Variants in RBMS3 observed in about 807,000 individuals in gnomAD.
The protein encoded by RBMS3 is RNA-binding motif, single-stranded-interacting protein 3.
A neutral mutation model predicts 66.8 loss-of-function variants in RBMS3; 27 were observed. The ratio of observed to expected loss-of-function variants is 0.40; its 90% CI spans 0.30 to 0.56. The LOEUF (loss-of-function observed/expected upper bound fraction) is 0.56, where lower values mean the gene tolerates loss of function less well. Ranked by LOEUF, RBMS3 falls within the 20% of genes least tolerant of loss-of-function variation. The probability of loss-of-function intolerance (pLI) is 0.40; values close to 1 mark genes in which losing one functional copy is unlikely to be tolerated. For missense variants in RBMS3, 513 were observed against 549.5 expected (o/e 0.93, Z 0.66); for synonymous variants, 188 against 183.0 (o/e 1.03, Z -0.22).
chr3:29,737,757 A>G (rs1437710398), intron 4 of RBMS3, among the ~76,000 whole-genome samples: 1 of 151,802 alleles, frequency 6.6e-6, no homozygotes, highest in East Asian at 1.9e-4. Context: ...GAATAATAAT[A>G]TTATCTCTGT....
At chr3:29,543,944 G>C (rs2045857871) in intron 3 of RBMS3, among the ~76,000 whole-genome samples, 1 of 151,982 alleles carries the variant, frequency 6.6e-6, no homozygotes, top group African/African-American at 2.4e-5. Context: ...AAAAGTATTA[G>C]AAGGAGATTG....
At chr3:29,452,164 T>C (rs1270195025) in intron 2 of RBMS3, among the ~76,000 whole-genome samples, 3 of 152,184 alleles carry the variant, frequency 2.0e-5, no homozygotes, top group African/African-American at 7.2e-5. Flanking sequence ...GGCTGTGATA[T>C]GTACAATATA....
At chr3:29,538,401 T>C (rs939987510) in intron 3 of RBMS3, among the ~76,000 whole-genome samples, 2 of 152,114 alleles carry the variant, frequency 1.3e-5, no homozygotes, top group Non-Finnish European at 2.9e-5. Context: ...GAAAGAGATA[T>C]ATACGATTAT....
At chr3:29,291,599 G>A (rs960793395) in intron 1 of RBMS3, among the ~76,000 whole-genome samples, 2 of 151,712 alleles carry the variant, frequency 1.3e-5, no homozygotes, top group African/African-American at 4.8e-5. Context: ...CAAATCAATG[G>A]CACAATACTT....
At chr3:29,826,238 A>G (rs2058208526) in intron 6 of RBMS3, among the ~76,000 whole-genome samples, 1 of 152,184 alleles carries the variant, frequency 6.6e-6, no homozygotes, top group Non-Finnish European at 1.5e-5. Flanking sequence ...TTATGCCTTT[A>G]TAAGCTGTGA....
intron 1 of RBMS3, among the ~76,000 whole-genome samples, chr3:29,417,232 A>G (rs912442477): frequency 1.3e-5 from 2 of 151,982 alleles, no homozygotes; most frequent in Non-Finnish European, 2.9e-5. Flanking sequence ...CTAAACAAAT[A>G]TTCATTTTTT....
At chr3:29,524,806 A>G (rs2045026293) in intron 3 of RBMS3, among the ~76,000 whole-genome samples, 1 of 152,008 alleles carries the variant, frequency 6.6e-6, no homozygotes, top group South Asian at 2.1e-4. Flanking sequence ...TAATCCCAGC[A>G]CTTTGGGAGG....
chr3:29,628,214 G>A (rs1009902144), intron 4 of RBMS3, among the ~76,000 whole-genome samples: 3 of 152,054 alleles, frequency 2.0e-5, no homozygotes, highest in Admixed American at 2.0e-4. Context: ...TGAAACAGAG[G>A]GATGCTTCAG....
chr3:29,829,626 T>C (rs765935671), intron 6 of RBMS3, among the ~76,000 whole-genome samples: 1 of 152,276 alleles, frequency 6.6e-6, no homozygotes. Flanking sequence ...AAAACTGTTT[T>C]ACCCAACCAT....
intron 4 of RBMS3, among the ~76,000 whole-genome samples, chr3:29,625,289 C>A (rs1559518358): frequency 6.6e-6 from 1 of 151,950 alleles, no homozygotes; most frequent in East Asian, 1.9e-4. Flanking sequence ...GCATTACTTA[C>A]CACAGTTATT....
chr3:29,944,704 G>A (rs1356772079), intron 12 of RBMS3, among the ~76,000 whole-genome samples: 14 of 151,708 alleles, frequency 9.2e-5, no homozygotes, highest in Non-Finnish European at 1.5e-5. Flanking sequence ...TGCTTGCTCA[G>A]CACCCTGCAT....
At position 29,855,930 on chromosome 3, in the gene RBMS3, G is replaced by A. The variant is rs139576638; in HGVS notation, c.638-12928G>A. On this transcript the variant is annotated intron_variant, in intron 6 of 14. Transcript: ENST00000383767. Reference sequence around the variant, plus strand: ...GGGATACAAAGATAAATAATGCAGAGACCCTATACTCGAGAGACATTTAAA... The same window carrying A: ...GGGATACAAAGATAAATAATGCAGAAACCCTATACTCGAGAGACATTTAAA... Among the ~76,000 whole-genome samples the A allele has an allele frequency of 1.0e-3, 159 of 152,198 alleles. 2 individuals are homozygous for A. The highest frequency in any genetic ancestry group is 9.2e-3 in the Admixed American group (140 of 15,268).
At chr3:29,364,106 T>C (rs983124564) in intron 1 of RBMS3, among the ~76,000 whole-genome samples, 12 of 152,110 alleles carry the variant, frequency 7.9e-5, no homozygotes, top group Non-Finnish European at 1.6e-4. Context: ...ATTGGAACCA[T>C]TACATGTCCA....
chr3:29,671,827 G>A (rs986971333), intron 4 of RBMS3, among the ~76,000 whole-genome samples: 11 of 152,172 alleles, frequency 7.2e-5, no homozygotes, highest in East Asian at 1.9e-4. Flanking sequence ...TGAAAGTGAC[G>A]GGGAGAATGG....
At chr3:29,420,575 G>T (rs1246227199) in intron 1 of RBMS3, among the ~76,000 whole-genome samples, 2 of 151,042 alleles carry the variant, frequency 1.3e-5, no homozygotes, top group Non-Finnish European at 3.0e-5. Flanking sequence ...TTTTTGTTTT[G>T]TTTTGTTTTG....
At chr3:29,390,429 C>T (rs914370290) in intron 1 of RBMS3, among the ~76,000 whole-genome samples, 2 of 152,082 alleles carry the variant, frequency 1.3e-5, no homozygotes, top group African/African-American at 2.4e-5. Flanking sequence ...ACTATCAATG[C>T]ATTTCATTAA....
chr3:29,576,024 G>C (rs1419907694), intron 3 of RBMS3, among the ~76,000 whole-genome samples: 1 of 152,068 alleles, frequency 6.6e-6, no homozygotes, highest in Non-Finnish European at 1.5e-5. Context: ...TAATTCATTT[G>C]GTCAGGTCAT....
intron 3 of RBMS3, among the ~76,000 whole-genome samples, chr3:29,562,795 T>A (rs578210622): frequency 6.6e-6 from 1 of 152,332 alleles, no homozygotes; most frequent in African/African-American, 2.4e-5. Context: ...TCACTCATCA[T>A]AAGCATAGGT....
chr3:29,861,009 G>A (rs531944299), intron 6 of RBMS3, among the ~76,000 whole-genome samples: 14 of 152,144 alleles, frequency 9.2e-5, no homozygotes, highest in African/African-American at 2.2e-4. Context: ...AACTACAGGC[G>A]CCCGCCACCA....
Sources: gnomAD v4.1 joint callset for allele counts (sites outside exome capture counted in the v4.1 genomes callset) on GRCh38, gnomAD v4.1.1 for gene constraint, MANE v1.5 for transcripts, NCBI Gene and HGNC (gene_info 2026-07-23, HGNC 2026-07-21) for gene names.